Variants in TBC1D23 observed in about 807,000 individuals in gnomAD.
TBC1D23 encodes the protein HCV non-structural protein 4A-transactivated protein 1.
A neutral mutation model predicts 91.4 loss-of-function variants in TBC1D23; 55 were observed. The observed-to-expected ratio is 0.60, with a 90% CI of 0.48 to 0.75. The LOEUF is 0.75. TBC1D23 is among the 30% of genes least tolerant of loss of function. The probability of loss-of-function intolerance (pLI) is 0.00; values close to 1 mark genes in which losing one functional copy is unlikely to be tolerated. For synonymous variants in TBC1D23, 289 were observed against 281.0 expected (o/e 1.03, Z -0.28); for missense variants, 725 against 836.1 (o/e 0.87, Z 1.64).
intron 13 of TBC1D23, among the ~76,000 whole-genome samples, chr3:100,309,886 G>A (rs1705594460): frequency 6.6e-6 from 1 of 152,234 alleles, no homozygotes; most frequent in African/African-American, 2.4e-5. Context: ...TGGGATTACA[G>A]GCGTGAGCCA....
In TBC1D23 at chr3:100,299,287, A is replaced by G. The variant is rs752856913; in HGVS notation, c.1048A>G (p.Asn350Asp). ...GGATTGCCGTCCTGCAGAACAATAT[A>G]ATGCTGGGCATTTATCAACTGCTTT... ...VVDCRPAEQY[N>D]AGHLSTAFHL... The change falls in exon 10 of 19, where the codon AAT (asparagine) becomes GAT (aspartate). Residue 350 changes from asparagine (N) to aspartate (D), a missense_variant. Asn to Asp is a conservative substitution (Grantham distance 23). Transcript: ENST00000394144. The G allele has an allele frequency of 1.2e-6, 2 of 1,612,842 alleles. No individual in the cohort carries two copies. The highest frequency in any genetic ancestry group is 1.3e-5 in the African/African-American group (1 of 74,910).
intron 1 of TBC1D23, among the ~76,000 whole-genome samples, chr3:100,264,960 G>C (rs937548644): frequency 7.2e-5 from 11 of 152,204 alleles, no homozygotes; most frequent in African/African-American, 2.7e-4. Context: ...CTGACTAGCT[G>C]CTGGGGGTTG....
chr3:100,294,518 C>T (rs1252928236), intron 5 of TBC1D23, among the ~76,000 whole-genome samples: 1 of 152,058 alleles, frequency 6.6e-6, no homozygotes, highest in Non-Finnish European at 1.5e-5. Context: ...ACCTTGGCCT[C>T]CTAAAGTGTT....
At chr3:100,295,907 A>G (rs1467944560) in intron 7 of TBC1D23, among the ~76,000 whole-genome samples, 1 of 152,160 alleles carries the variant, frequency 6.6e-6, no homozygotes, top group Non-Finnish European at 1.5e-5. Context: ...ATTTCTTCAT[A>G]TATGTTTAAT....
chr3:100,298,982 C>T (rs1307724851), intron 9 of TBC1D23, among the ~76,000 whole-genome samples: 1 of 152,102 alleles, frequency 6.6e-6, no homozygotes, highest in African/African-American at 2.4e-5. Flanking sequence ...CTCAAACAGA[C>T]ACTCTCCTTC....
chr3:100,298,247 A>G lies in TBC1D23; in HGVS notation c.999+202A>G, dbSNP rs111296924. The stretch of plus-strand genomic sequence containing the variant: ...CTTGTGTGGTGTTTTAATTGTCTAC[A>G]ATTAATTATTGTTGACATTCTTGAC... On this transcript the variant is annotated intron_variant, in intron 9 of 18. Transcript: ENST00000394144. Among the ~76,000 whole-genome samples, 131 of 152,294 alleles carry G rather than the reference A, an allele frequency of 8.6e-4. 1 individual carries two copies. The highest frequency in any genetic ancestry group is 3.0e-3 in the African/African-American group (124 of 41,552).
chr3:100,310,332 T>C, intron 13 of TBC1D23, 71 bp from the exon 14 acceptor site: 1 of 1,357,402 alleles, frequency 7.4e-7, no homozygotes, highest in Non-Finnish European at 1.0e-6. Flanking sequence ...CTATAACATG[T>C]AGATAACCAT....
chr3:100,305,340 C>G (rs1028345910), intron 12 of TBC1D23, among the ~76,000 whole-genome samples: 4 of 152,004 alleles, frequency 2.6e-5, no homozygotes, highest in Non-Finnish European at 4.4e-5. Flanking sequence ...CTGATATTTT[C>G]AGAACTGCAG....
At chr3:100,312,429 G>T (rs1392347291) in intron 15 of TBC1D23, among the ~76,000 whole-genome samples, 2 of 151,656 alleles carry the variant, frequency 1.3e-5, no homozygotes, top group African/African-American at 4.8e-5. Flanking sequence ...TCTGCCTTTG[G>T]TTTTTGTTGA....
In TBC1D23 at chr3:100,323,799, T is replaced by C. The variant is rs1576192338; in HGVS notation, c.*131T>C. On this transcript the variant is annotated 3_prime_UTR_variant, in exon 19 of 19. Coordinates refer to ENST00000394144, the MANE Select transcript of TBC1D23 (RefSeq NM_001199198.3). Reference sequence around the variant, plus strand: ...TGCTTAAATAGCAGGTCTAAGAAAGTGTAAATTATTATAATCAATCTGTGG... The same window carrying C: ...TGCTTAAATAGCAGGTCTAAGAAAGCGTAAATTATTATAATCAATCTGTGG... 3.0e-6 allele frequency: 1 copy of C among 338,556 alleles called. No individual in the cohort carries two copies. Among genetic ancestry groups the C allele is most frequent in the Non-Finnish European group, 5.3e-6 (1 of 187,830 alleles). 21.0% of individuals were successfully genotyped at this position (338,556 alleles called of 1,614,324 possible). A position where few individuals can be genotyped will look rare whatever the true frequency, so the allele number is the denominator to read the frequency against.
rs376764956 is a variant in TBC1D23, at chr3:100,321,684, T to G, written c.2018+713T>G. On this transcript the variant is annotated intron_variant, in intron 18 of 18. Transcript: ENST00000394144. ...CTTGGATAAATAGTAAGCTTAAGGT[T>G]ATATCGCAGCACTTTTAAATAATCA... Among the ~76,000 whole-genome samples the G allele has an allele frequency of 3.3e-3, 502 of 152,326 alleles. 3 individuals are homozygous for G. Among genetic ancestry groups the G allele is most frequent in the African/African-American group, 0.011 (470 of 41,562 alleles).
intron 8 of TBC1D23, among the ~76,000 whole-genome samples, chr3:100,296,860 CAAAA>C (rs71625559): frequency 1.2e-5 from 1 of 86,662 alleles, no homozygotes; most frequent in Non-Finnish European, 2.3e-5. Flanking sequence ...GACTCTGTCT[CAAAA>C]AAAAAAAAAA....
At chr3:100,304,537 A>G (rs924626716) in intron 11 of TBC1D23, among the ~76,000 whole-genome samples, 1 of 152,196 alleles carries the variant, frequency 6.6e-6, no homozygotes, top group African/African-American at 2.4e-5. Context: ...CTCTGATTAC[A>G]TCCTAAAATA....
chr3:100,300,317 G>A (rs1285467637), intron 10 of TBC1D23, among the ~76,000 whole-genome samples: 1 of 151,988 alleles, frequency 6.6e-6, no homozygotes, highest in African/African-American at 2.4e-5. Flanking sequence ...ATTTGATGCT[G>A]AACTGAAAGG....
intron 4 of TBC1D23, among the ~76,000 whole-genome samples, chr3:100,288,845 A>T (rs1371493792): frequency 6.6e-6 from 1 of 152,200 alleles, no homozygotes; most frequent in East Asian, 1.9e-4. Flanking sequence ...CAGTAACACC[A>T]TACTTTAACC....
chr3:100,311,641 A>T (rs1274484536), intron 14 of TBC1D23, among the ~76,000 whole-genome samples, 192 bp from the exon 15 acceptor site: 1 of 152,246 alleles, frequency 6.6e-6, no homozygotes, highest in South Asian at 2.1e-4. Context: ...AACTAAGTCA[A>T]AAAGACTGCT....
rs751387493 is a variant in TBC1D23, at chr3:100,261,036, T to C, written c.18T>C (p.Asp6=). The C allele has an allele frequency of 1.4e-5, 22 of 1,614,068 alleles. No homozygotes were observed. The South Asian group carries it at 2.3e-4, about 17-fold the overall frequency. Residue 6 remains aspartate, a synonymous_variant, in exon 1 of 19, where the codon GAT becomes GAC. Coordinates refer to ENST00000394144, the MANE Select transcript of TBC1D23 (RefSeq NM_001199198.3). The stretch of plus-strand genomic sequence containing the variant: ...CAACAGCAATGGCGGAAGGAGAAGA[T>C]GTGCCGCCGCTGCCAACGTCGAGCG... MAEGE[D]VPPLPTSSGD...
intron 16 of TBC1D23, among the ~76,000 whole-genome samples, chr3:100,316,889 C>T: frequency 6.6e-6 from 1 of 152,018 alleles, no homozygotes; most frequent in East Asian, 1.9e-4. Flanking sequence ...GTCAGGAGTT[C>T]AAGACCAACA....
intron 15 of TBC1D23, among the ~76,000 whole-genome samples, chr3:100,314,091 A>ATTTTTTTTTTTTTTTTTTTTTT (rs71299383): frequency 1.1e-5 from 1 of 94,576 alleles, no homozygotes. Flanking sequence ...AGGCTACAAA[A>ATTTTTTTTTTTTTTTTTTTTTT]TTTTTTTTTT....
Sources: allele counts gnomAD v4.1 joint callset (sites outside exome capture counted in the v4.1 genomes callset), GRCh38; gene constraint gnomAD v4.1.1; transcripts MANE v1.5; gene names NCBI Gene and HGNC (gene_info 2026-07-23, HGNC 2026-07-21).